The following TMEM106B variants were observed in gnomAD, a reference collection of about 807,000 sequenced individuals.
The protein encoded by TMEM106B is transmembrane protein 106B.
A neutral mutation model predicts 31.1 loss-of-function variants in TMEM106B; 15 were observed. The observed-to-expected ratio is 0.48, with a 90% CI of 0.32 to 0.74. The LOEUF (loss-of-function observed/expected upper bound fraction) is 0.74, where lower values mean the gene tolerates loss of function less well. Ranked by LOEUF, TMEM106B falls within the 30% of genes least tolerant of loss-of-function variation. The probability of loss-of-function intolerance (pLI) is 0.03; values close to 1 mark genes in which losing one functional copy is unlikely to be tolerated. For synonymous variants in TMEM106B, 126 were observed against 112.5 expected (o/e 1.12, Z -0.76); for missense variants, 283 against 327.3 (o/e 0.86, Z 1.04).
chr7:12,216,156 A>G (rs2128524243), intron 2 of TMEM106B, among the ~76,000 whole-genome samples: 1 of 152,262 alleles, frequency 6.6e-6, no homozygotes, highest in South Asian at 2.1e-4. Context: ...TAGCTATTTA[A>G]GAATAAAATA....
In TMEM106B at chr7:12,240,585, A is replaced by G. The variant is rs1274034610; in HGVS notation, c.*8610A>G. The G allele has an allele frequency of 1.3e-5, 2 of 152,102 alleles. No homozygotes were observed. The highest frequency in any genetic ancestry group is 2.9e-5 in the Non-Finnish European group (2 of 68,018). The allele number at this position is 152,102 out of a possible 1,614,324, so 9.4% of individuals were successfully genotyped here. A position where few individuals can be genotyped will look rare whatever the true frequency, so the allele number is the denominator to read the frequency against. ...TATCTCTGTAGAATAATATGGAAAA[A>G]CGAAAATGAAAAGATGTATTACCTG... is the stretch of plus-strand genomic sequence containing the variant. On this transcript the variant is annotated 3_prime_UTR_variant, in exon 8 of 8. Transcript: ENST00000396668.
chr7:12,218,239 CT>C (rs11291359), intron 2 of TMEM106B, among the ~76,000 whole-genome samples: 60,412 of 133,256 alleles, frequency 0.45, 14,511 homozygotes, highest in African/African-American at 0.67. Context: ...ATTTGTTATA[CT>C]TTTTTTTTTT....
intron 4 of TMEM106B, 43 bp downstream of exon 4, chr7:12,224,428 T>C (rs1376013025): frequency 2.0e-6 from 3 of 1,535,632 alleles, no homozygotes; most frequent in Non-Finnish European, 2.7e-6. Flanking sequence ...TTCATTCTTT[T>C]ATCCTATTAA....
At chr7:12,230,602 A>C in intron 6 of TMEM106B, 164 bp downstream of exon 6, 1 of 510,494 alleles carries the variant, frequency 2.0e-6, no homozygotes, top group East Asian at 3.3e-5. Flanking sequence ...CAACATATAT[A>C]ATATTCATGT....
intron 1 of TMEM106B, among the ~76,000 whole-genome samples, chr7:12,213,302 A>T (rs1399983299): frequency 6.6e-6 from 1 of 152,084 alleles, no homozygotes; most frequent in Admixed American, 6.6e-5. Context: ...TGAAAAAAAA[A>T]CTGTGATTTT....
chr7:12,231,816 C>T (rs1782029192), intron 7 of TMEM106B, 21 bp from the exon 8 acceptor site: 7 of 1,575,026 alleles, frequency 4.4e-6, no homozygotes, highest in Non-Finnish European at 5.2e-6. Flanking sequence ...AAATGTCTCT[C>T]CTCACTTACA....
intron 4 of TMEM106B, 68 bp downstream of exon 4, chr7:12,224,453 C>G (rs1781859369): frequency 7.5e-7 from 1 of 1,335,586 alleles, no homozygotes; most frequent in Non-Finnish European, 1.0e-6. Context: ...CACCTTTGTC[C>G]CCATTGAGAA....
Position 12,224,273 on chromosome 7 carries a change from G to C in TMEM106B, c.329G>C (p.Gly110Ala), listed in dbSNP as rs746834929. Reference protein sequence around the residue: ...ASVFVCLLLSGLAVFFLFPRS... With the variant: ...ASVFVCLLLSALAVFFLFPRS... ...GTGTTTGTCTGTCTACTCCTTTCTGGATTGGCTGTGTTTTTCCTTTTCCCT... is the reference window on the plus strand; with the variant it reads ...GTGTTTGTCTGTCTACTCCTTTCTGCATTGGCTGTGTTTTTCCTTTTCCCT... Residue 110 changes from glycine to alanine, a missense_variant, in exon 4 of 8, where the codon GGA (glycine) becomes GCA (alanine). By Grantham distance (60) the Gly-to-Ala change is moderately conservative. Transcript: ENST00000396668. The C allele has an allele frequency of 6.2e-7, 1 of 1,613,952 alleles. No homozygotes were observed. The highest frequency in any genetic ancestry group is 1.1e-5 in the South Asian group (1 of 91,078).
chr7:12,226,094 A>G (rs1781895394), intron 4 of TMEM106B, among the ~76,000 whole-genome samples: 2 of 151,754 alleles, frequency 1.3e-5, no homozygotes, highest in African/African-American at 4.9e-5. Flanking sequence ...TACTTATGAC[A>G]AGCCAGTTTT....
At chr7:12,213,267 A>G (rs6460898) in intron 1 of TMEM106B, among the ~76,000 whole-genome samples, 75,915 of 151,772 alleles carry the variant, frequency 0.5, 19,834 homozygotes, top group East Asian at 0.64. Context: ...CATTGGCTTC[A>G]TAATTTTAAC....
chr7:12,231,537 T>C, intron 7 of TMEM106B: 2 of 269,942 alleles, frequency 7.4e-6, no homozygotes, highest in Non-Finnish European at 1.4e-5. Context: ...TTTTTTTCTA[T>C]GATAAGAGAA....
chr7:12,238,751 T>G lies in TMEM106B; in HGVS notation c.*6776T>G, dbSNP rs535174115. ...ACATTGTCAATGAGTAGTAATACTTTGAAAGGAATTTTTTTTTCCAAGCAG... is the reference window on the plus strand; with the variant it reads ...ACATTGTCAATGAGTAGTAATACTTGGAAAGGAATTTTTTTTTCCAAGCAG... On this transcript the variant is annotated 3_prime_UTR_variant, in exon 8 of 8. Transcript: ENST00000396668. 4 of 152,208 alleles carry G rather than the reference T, an allele frequency of 2.6e-5. No homozygotes were observed. Among genetic ancestry groups the G allele is most frequent in the Admixed American group, 6.6e-5 (1 of 15,258 alleles). 9.4% of individuals were successfully genotyped at this position (152,208 alleles called of 1,614,324 possible). A position where few individuals can be genotyped will look rare whatever the true frequency, so the allele number is the denominator to read the frequency against.
At chr7:12,230,748 T>TTGAA (rs1782005578) in intron 6 of TMEM106B, 1 of 310,916 alleles carries the variant, frequency 3.2e-6, no homozygotes, top group Non-Finnish European at 5.8e-6. Context: ...TCATCATCTT[T>TTGAA]TGAATAAGCG....
intron 3 of TMEM106B, among the ~76,000 whole-genome samples, chr7:12,222,594 G>T (rs1260193730): frequency 6.6e-6 from 1 of 152,140 alleles, no homozygotes; most frequent in Admixed American, 6.5e-5. Flanking sequence ...CACTTCTTAT[G>T]CCTTTTTATG....
chr7:12,238,926 A>T lies in TMEM106B; in HGVS notation c.*6951A>T, dbSNP rs543606706. Reference sequence around the variant, plus strand: ...AGGATGGCAAATGAGCATTGGCTTCAACTTAAAGTCACCAGCTACATTCAC... The same window carrying T: ...AGGATGGCAAATGAGCATTGGCTTCTACTTAAAGTCACCAGCTACATTCAC... On this transcript the variant is annotated 3_prime_UTR_variant, in exon 8 of 8. Coordinates refer to ENST00000396668, the MANE Select transcript of TMEM106B (RefSeq NM_001134232.2). The T allele has an allele frequency of 1.3e-5, 2 of 152,270 alleles. No homozygotes were observed. The highest frequency in any genetic ancestry group is 1.3e-4 in the Admixed American group (2 of 15,288). The allele number at this position is 152,270 out of a possible 1,614,324, so 9.4% of individuals were successfully genotyped here.
At chr7:12,212,423 G>C (rs193221935) in intron 1 of TMEM106B, among the ~76,000 whole-genome samples, 1 of 151,880 alleles carries the variant, frequency 6.6e-6, no homozygotes, top group African/African-American at 2.4e-5. Context: ...TGTTGATTAA[G>C]ACAATGATTT....
intron 2 of TMEM106B, chr7:12,215,525 C>G: frequency 4.7e-6 from 1 of 211,404 alleles, no homozygotes; most frequent in Non-Finnish European, 1.1e-5. Flanking sequence ...CAGTAAGCCA[C>G]CATGCCCAGC....
chr7:12,236,723 A>G lies in TMEM106B; in HGVS notation c.*4748A>G, dbSNP rs576097711. The G allele has an allele frequency of 6.6e-6, 1 of 152,142 alleles. No homozygotes were observed. The highest frequency in any genetic ancestry group is 2.4e-5 in the African/African-American group (1 of 41,576). The allele number at this position is 152,142 out of a possible 1,614,324, so 9.4% of individuals were successfully genotyped here. On this transcript the variant is annotated 3_prime_UTR_variant, in exon 8 of 8. Transcript: ENST00000396668. ...GGTAATTCCAAGTGCTGATAGTACT[A>G]TTCATCTTTTTTATTATTGTGTCAG...
At chr7:12,218,604 T>A in intron 3 of TMEM106B, 83 bp downstream of exon 3, 1 of 1,083,786 alleles carries the variant, frequency 9.2e-7, no homozygotes, top group Non-Finnish European at 1.3e-6. Flanking sequence ...AATAACTAGT[T>A]AAAACTATTA....
Sources: allele counts gnomAD v4.1 joint callset (sites outside exome capture counted in the v4.1 genomes callset), GRCh38; gene constraint gnomAD v4.1.1; transcripts MANE v1.5; gene names NCBI Gene and HGNC (gene_info 2026-07-23, HGNC 2026-07-21).